Variants in CCDC112 observed in about 807,000 individuals in gnomAD.
CCDC112 encodes coiled-coil domain containing 112.
CCDC112 carries 40 observed loss-of-function variants against 66.3 expected under a neutral mutation model. The ratio of observed to expected loss-of-function variants is 0.60; its 90% CI spans 0.47 to 0.79. The LOEUF (loss-of-function observed/expected upper bound fraction) is 0.79, where lower values mean the gene tolerates loss of function less well. Among genes scored for constraint, CCDC112 ranks in the 30% least tolerant of loss-of-function variants. CCDC112 has a pLI of 0.00. For missense variants in CCDC112, 659 were observed against 603.8 expected (o/e 1.09, Z -0.96); for synonymous variants, 214 against 197.2 (o/e 1.09, Z -0.71).
chr5:115,276,147 G>T, intron 4 of CCDC112, 78 bp from the exon 5 acceptor site: 2 of 988,350 alleles, frequency 2.0e-6, no homozygotes, highest in Non-Finnish European at 3.1e-6. Context: ...AGAAAAAGTG[G>T]AATGTTCTCC....
At chr5:115,280,638 G>T (rs1282121519) in intron 2 of CCDC112, among the ~76,000 whole-genome samples, 1 of 150,736 alleles carries the variant, frequency 6.6e-6, no homozygotes, top group African/African-American at 2.4e-5. Flanking sequence ...CTGCAGCCTT[G>T]ACCTCCCTGG....
In CCDC112 at chr5:115,275,992, A is replaced by C; in HGVS notation, c.527+2T>G. 6.3e-7 allele frequency: 1 copy of C among 1,578,430 alleles called. No individual in the cohort carries two copies. ...TTATATTAAAATGAGTTTAAAACATACATCAACCTCTGCTCTTCTTTAAAA... is the reference window on the plus strand; with the variant it reads ...TTATATTAAAATGAGTTTAAAACATCCATCAACCTCTGCTCTTCTTTAAAA... On this transcript the variant is annotated splice_donor_variant, in intron 5 of 9. Transcript: ENST00000379611. LOFTEE classifies it high-confidence loss of function.
intron 1 of CCDC112, among the ~76,000 whole-genome samples, chr5:115,291,994 T>C (rs1178952076): frequency 6.6e-6 from 1 of 152,232 alleles, no homozygotes; most frequent in Non-Finnish European, 1.5e-5. Flanking sequence ...GAGTTTATTC[T>C]ACTTAGAGTT....
At chr5:115,284,190 G>A (rs1046610110) in intron 2 of CCDC112, among the ~76,000 whole-genome samples, 7 of 151,916 alleles carry the variant, frequency 4.6e-5, no homozygotes, top group Non-Finnish European at 7.4e-5. Flanking sequence ...ATTCAAATAG[G>A]CTTGGTGGTG....
intron 6 of CCDC112, among the ~76,000 whole-genome samples, chr5:115,273,021 C>T (rs949414206): frequency 6.6e-6 from 1 of 152,182 alleles, no homozygotes; most frequent in Admixed American, 6.5e-5. Context: ...CCACTGTAAA[C>T]CAGTAACAGT....
chr5:115,279,800 G>T, intron 2 of CCDC112, 32 bp from the exon 3 acceptor site: 2 of 1,131,978 alleles, frequency 1.8e-6, no homozygotes, highest in South Asian at 1.5e-5. Context: ...GTATAAATAT[G>T]ATCTAAATAT....
intron 1 of CCDC112, chr5:115,288,993 C>CTTT: frequency 1.2e-5 from 3 of 250,272 alleles, no homozygotes; most frequent in South Asian, 3.8e-5. Context: ...GATTGGCTTC[C>CTTT]TTTTTTTTTT....
chr5:115,283,472 C>G (rs1477434879), intron 2 of CCDC112, among the ~76,000 whole-genome samples: 1 of 152,072 alleles, frequency 6.6e-6, no homozygotes, highest in Admixed American at 6.6e-5. Flanking sequence ...TATTCTCAAC[C>G]CTTCACGCAC....
chr5:115,270,656 T>C (rs748425402), intron 7 of CCDC112, among the ~76,000 whole-genome samples: 13 of 152,060 alleles, frequency 8.5e-5, no homozygotes, highest in Admixed American at 3.3e-4. Flanking sequence ...AATGAACAAA[T>C]AGGCAAGTCA....
intron 1 of CCDC112, chr5:115,295,804 G>T (rs1054880034): frequency 4.0e-5 from 29 of 720,770 alleles, no homozygotes; most frequent in Middle Eastern, 7.1e-4. Flanking sequence ...AGTGCTATGG[G>T]GAAAAATAAA....
At chr5:115,293,909 G>C (rs1034326513) in intron 1 of CCDC112, among the ~76,000 whole-genome samples, 3 of 152,140 alleles carry the variant, frequency 2.0e-5, no homozygotes, top group African/African-American at 7.2e-5. Flanking sequence ...ACACTAATGT[G>C]ATACTGTTAA....
chr5:115,267,696 G>C lies in CCDC112; in HGVS notation c.*180C>G. 1 of 618,676 alleles carries C rather than the reference G, an allele frequency of 1.6e-6. No homozygotes were observed. The highest frequency in any genetic ancestry group is 2.0e-5 in the South Asian group (1 of 50,952). 38.3% of individuals were successfully genotyped at this position (618,676 alleles called of 1,614,324 possible). A position where few individuals can be genotyped will look rare whatever the true frequency, so the allele number is the denominator to read the frequency against. ...CAACACATATATTAAATACCTTCTT[G>C]GTAGAAGCAGGAATACTAATGACAA... On this transcript the variant is annotated 3_prime_UTR_variant, in exon 10 of 10. Transcript: ENST00000379611.
intron 1 of CCDC112, among the ~76,000 whole-genome samples, chr5:115,288,052 C>A (rs1352028610): frequency 6.6e-6 from 1 of 151,610 alleles, no homozygotes; most frequent in African/African-American, 2.4e-5. Flanking sequence ...ACCATATTGG[C>A]TCGCTGCAAC....
In CCDC112 at chr5:115,275,823, G is replaced by A. The variant is rs918466204; in HGVS notation, c.527+171C>T. Among the ~76,000 whole-genome samples the A allele has an allele frequency of 5.3e-5, 8 of 151,808 alleles. No individual in the cohort carries two copies. The South Asian group carries it at 6.2e-4, about 12-fold the overall frequency. ...AGTAACTAAATATGAATAAAATTTCGCTTTAAATATGAAAAGCCACCTAAA... is the reference window on the plus strand; with the variant it reads ...AGTAACTAAATATGAATAAAATTTCACTTTAAATATGAAAAGCCACCTAAA... On this transcript the variant is annotated intron_variant, in intron 5 of 9. Coordinates refer to ENST00000379611, the MANE Select transcript of CCDC112 (RefSeq NM_001040440.3).
At chr5:115,293,749 C>T (rs532208763) in intron 1 of CCDC112, among the ~76,000 whole-genome samples, 70 of 152,264 alleles carry the variant, frequency 4.6e-4, no homozygotes, top group Admixed American at 2.4e-3. Flanking sequence ...GTCCCTTTTA[C>T]GATGCAAGAT....
chr5:115,274,747 T>G (rs1749133580), intron 6 of CCDC112, among the ~76,000 whole-genome samples: 1 of 152,162 alleles, frequency 6.6e-6, no homozygotes, highest in Non-Finnish European at 1.5e-5. Flanking sequence ...AACTTCCTTT[T>G]TTTATTTTTA....
chr5:115,283,558 C>T (rs542881670), intron 2 of CCDC112, among the ~76,000 whole-genome samples: 127 of 152,234 alleles, frequency 8.3e-4, no homozygotes, highest in African/African-American at 2.9e-3. Flanking sequence ...TGTTTGTGTA[C>T]ATCCATACAT....
intron 2 of CCDC112, among the ~76,000 whole-genome samples, chr5:115,282,665 C>T (rs1429546708): frequency 6.6e-6 from 1 of 151,868 alleles, no homozygotes; most frequent in East Asian, 1.9e-4. Context: ...TCTTTATAAA[C>T]ACATAAAATA....
rs1561493160 is a variant in CCDC112, at chr5:115,271,170, A to T, written c.1332+43T>A. The T allele has an allele frequency of 3.9e-6, 6 of 1,520,220 alleles. No homozygotes were observed. The Middle Eastern group carries it at 5.3e-4, about 135-fold the overall frequency. 94.2% of individuals were successfully genotyped at this position (1,520,220 alleles called of 1,614,324 possible). A position where few individuals can be genotyped will look rare whatever the true frequency, so the allele number is the denominator to read the frequency against. On this transcript the variant is annotated intron_variant, in intron 7 of 9. Coordinates refer to ENST00000379611, the MANE Select transcript of CCDC112 (RefSeq NM_001040440.3). ...AACTGAATTTGGAAGTAATACCTCC[A>T]TGTGTAGCATTTAAAAATTATTTAG...
Sources: gnomAD v4.1 joint callset for allele counts (sites outside exome capture counted in the v4.1 genomes callset) on GRCh38, gnomAD v4.1.1 for gene constraint, MANE v1.5 for transcripts, NCBI Gene and HGNC (gene_info 2026-07-23, HGNC 2026-07-21) for gene names.